The following XRRA1 variants were observed in gnomAD, a reference collection of about 807,000 sequenced individuals.
The protein encoded by XRRA1 is X-ray radiation resistance associated 1, also known as X-ray radiation resistance-associated protein 1.
XRRA1 carries 69 observed loss-of-function variants against 80.2 expected under a neutral mutation model. That is an observed-to-expected ratio of 0.86 (90% CI 0.71 to 1.05). The LOEUF is 1.05. Among genes scored for constraint, XRRA1 ranks in the 50% least tolerant of loss-of-function variants. The pLI, the probability that XRRA1 is intolerant of heterozygous loss-of-function variation, is 0.00. For missense variants in XRRA1, 967 were observed against 976.4 expected (o/e 0.99, Z 0.13); for synonymous variants, 348 against 389.9 (o/e 0.89, Z 1.27).
chr11:74,919,140 G>A (rs1229458096), intron 8 of XRRA1: 1 of 152,292 alleles, frequency 6.6e-6, no homozygotes, highest in African/African-American at 2.4e-5. Context: ...TGATATTTTA[G>A]GTGGAATAAT....
At chr11:74,892,760 C>T (rs1427098021) in intron 10 of XRRA1, among the ~76,000 whole-genome samples, 15 of 152,276 alleles carry the variant, frequency 9.9e-5, no homozygotes, top group African/African-American at 2.6e-4. Flanking sequence ...TGAACAGACA[C>T]TTCTCAAAAG....
intron 4 of XRRA1, among the ~76,000 whole-genome samples, chr11:74,934,740 A>T (rs545727870): frequency 6.6e-6 from 1 of 152,294 alleles, no homozygotes; most frequent in East Asian, 1.9e-4. Flanking sequence ...ATTAGATCAT[A>T]TAAGTCCACG....
chr11:74,861,337 C>T (rs114282025), intron 11 of XRRA1, among the ~76,000 whole-genome samples: 287 of 152,320 alleles, frequency 1.9e-3, no homozygotes, highest in African/African-American at 6.5e-3. Flanking sequence ...AGCCACTCCC[C>T]GTTGCTCAAA....
chr11:74,899,028 AT>A (rs1268267192), intron 10 of XRRA1, among the ~76,000 whole-genome samples: 1 of 152,190 alleles, frequency 6.6e-6, no homozygotes, highest in Non-Finnish European at 1.5e-5. Context: ...GTCTTAAAAC[AT>A]TTTTAAAAAA....
intron 18 of XRRA1, 168 bp from the exon 19 acceptor site, chr11:74,843,621 GC>G: frequency 1.1e-6 from 1 of 937,742 alleles, no homozygotes. Flanking sequence ...ACTTCCTACT[GC>G]CCCTATGCAT....
In XRRA1 at chr11:74,868,077, G is replaced by A. The variant is rs145090591; in HGVS notation, c.1004-5056C>T. 2.8e-3 allele frequency among the ~76,000 whole-genome samples: 421 copies of A among 151,938 alleles called. 2 individuals carry two copies. Among genetic ancestry groups the A allele is most frequent in the African/African-American group, 9.6e-3 (396 of 41,436 alleles). On this transcript the variant is annotated intron_variant, in intron 10 of 18. Coordinates refer to ENST00000684022, the MANE Select transcript of XRRA1 (RefSeq NM_001378157.1). ...ACTGGGATTACAAGCATGCGTCACC[G>A]CACCTAATTTTTTGTATTTTTAGTA... is the stretch of plus-strand genomic sequence containing the variant.
At chr11:74,931,296 A>T (rs1370743292) in intron 5 of XRRA1, among the ~76,000 whole-genome samples, 1 of 151,860 alleles carries the variant, frequency 6.6e-6, no homozygotes. Context: ...TTTGAAATTT[A>T]CATATGTTGA....
At chr11:74,927,597 T>G (rs1036261354) in intron 6 of XRRA1, 109 bp from the exon 7 acceptor site, 9 of 670,592 alleles carry the variant, frequency 1.3e-5, no homozygotes, top group Non-Finnish European at 2.3e-5. Context: ...AGGCACTGTA[T>G]AAGGTACTTT....
rs1342563667 is a variant in XRRA1 at position 74,843,875 on chromosome 11, TC to T, written c.2127del (p.Asn710ThrfsTer7). 1.2e-6 allele frequency: 2 copies of T among 1,611,744 alleles called. No individual in the cohort carries two copies. Among genetic ancestry groups the T allele is most frequent in the Non-Finnish European group, 1.7e-6 (2 of 1,178,986 alleles). ...GTACCTAGTGGAGCCTCTGTAATGT[TC>T]CGGGGATCCCGCAAGCGAATGAAGA... ...DDIFIRLRDP[R>X]NITEAPLGAV... On this transcript the variant is annotated frameshift_variant, in exon 18 of 19. Transcript: ENST00000684022. LOFTEE classifies it high-confidence loss of function.
chr11:74,906,407 G>T lies in XRRA1; in HGVS notation c.835C>A (p.Leu279Ile), dbSNP rs568983215. ...TCGTCATAGAGCTGAACTTGCTGTAGGTATGGGATCCTGATAATCCTGTTT... is the reference window on the plus strand; with the variant it reads ...TCGTCATAGAGCTGAACTTGCTGTATGTATGGGATCCTGATAATCCTGTTT... ...DENRIIRIPY[L>I]QQVQLYDESV... The change falls in exon 10 of 19, where the codon CTA becomes ATA. Residue 279 changes from leucine to isoleucine, a missense_variant. Coordinates refer to ENST00000684022, the MANE Select transcript of XRRA1 (RefSeq NM_001378157.1). 1 of 1,613,936 alleles carries T rather than the reference G, an allele frequency of 6.2e-7. No individual in the cohort carries two copies. The highest frequency in any genetic ancestry group is 1.1e-5 in the South Asian group (1 of 91,080).
At chr11:74,845,022 G>C in intron 16 of XRRA1, 51 bp downstream of exon 16, 1 of 1,584,838 alleles carries the variant, frequency 6.3e-7, no homozygotes, top group Non-Finnish European at 8.6e-7. Flanking sequence ...GACTTGCTCT[G>C]AGCTGTGGAG....
At chr11:74,853,898 T>G (rs2040468677) in intron 12 of XRRA1, among the ~76,000 whole-genome samples, 1 of 152,092 alleles carries the variant, frequency 6.6e-6, no homozygotes, top group Admixed American at 6.5e-5. Context: ...AAAAGGTGGT[T>G]TAAGATTTGG....
chr11:74,888,157 C>T (rs1004123311), intron 10 of XRRA1, among the ~76,000 whole-genome samples: 4 of 152,192 alleles, frequency 2.6e-5, no homozygotes, highest in Non-Finnish European at 5.9e-5. Context: ...AGTAGCCTAA[C>T]TGGGAGGCAC....
chr11:74,883,157 T>A (rs373691365), intron 10 of XRRA1, among the ~76,000 whole-genome samples: 8,751 of 114,444 alleles, frequency 0.076, 754 homozygotes, highest in African/African-American at 0.23. Context: ...GCTAGCAATC[T>A]GTGAGACTCC....
chr11:74,891,448 T>C (rs2050675291), intron 10 of XRRA1, among the ~76,000 whole-genome samples: 1 of 152,212 alleles, frequency 6.6e-6, no homozygotes, highest in Non-Finnish European at 1.5e-5. Context: ...GCCAATATCA[T>C]ACTGAATGGG....
At chr11:74,854,576 C>T (rs779363119) in intron 12 of XRRA1, among the ~76,000 whole-genome samples, 5 of 152,036 alleles carry the variant, frequency 3.3e-5, no homozygotes, top group Admixed American at 3.3e-4. Flanking sequence ...ATAATTTTAA[C>T]ATGTCATGAA....
At chr11:74,910,226 C>CTG (rs1344009637) in intron 8 of XRRA1, among the ~76,000 whole-genome samples, 1 of 152,098 alleles carries the variant, frequency 6.6e-6, no homozygotes, top group Non-Finnish European at 1.5e-5. Flanking sequence ...GCTTAACAAA[C>CTG]TGTGTGTGTG....
chr11:74,848,400 C>T lies in XRRA1; in HGVS notation c.1443G>A (p.Thr481=), dbSNP rs375791532. 1.5e-4 allele frequency: 249 copies of T among 1,613,720 alleles called. No individual in the cohort carries two copies. Among genetic ancestry groups the T allele is most frequent in the Admixed American group, 2.2e-4 (13 of 59,968 alleles). Residue 481 remains threonine, a synonymous_variant, in exon 15 of 19, where the codon ACG becomes ACA. Coordinates refer to ENST00000684022, the MANE Select transcript of XRRA1 (RefSeq NM_001378157.1). ...TATCCTTTGAGGGAGACTTGGTTGT[C>T]GTCATGCGCGGGTGATGGAGCACCA... is the stretch of plus-strand genomic sequence containing the variant. ...QPLVLHHPRM[T]TTKSPSKDML... is the part of the protein sequence containing the mutation.
chr11:74,859,651 A>G (rs2041913629), intron 11 of XRRA1, among the ~76,000 whole-genome samples: 2 of 152,082 alleles, frequency 1.3e-5, no homozygotes, highest in Admixed American at 6.5e-5. Flanking sequence ...GTTGGGCTAA[A>G]ATTTCTCCAG....
Sources: allele counts gnomAD v4.1 joint callset (sites outside exome capture counted in the v4.1 genomes callset), GRCh38; gene constraint gnomAD v4.1.1; transcripts MANE v1.5; gene names NCBI Gene and HGNC (gene_info 2026-07-23, HGNC 2026-07-21).